Variants in RALYL observed in about 807,000 individuals in gnomAD.
The protein encoded by RALYL is RNA-binding Raly-like protein.
RALYL carries 29 observed loss-of-function variants against 35.1 expected under a neutral mutation model. The observed-to-expected ratio is 0.83, with a 90% CI of 0.61 to 1.13. The LOEUF is 1.13. Ranked by LOEUF, RALYL falls within the 50% of genes most tolerant of loss-of-function variation. The probability of loss-of-function intolerance (pLI) is 0.00; values close to 1 mark genes in which losing one functional copy is unlikely to be tolerated. For synonymous variants in RALYL, 120 were observed against 127.6 expected (o/e 0.94, Z 0.40); for missense variants, 359 against 360.4 (o/e 1.00, Z 0.03).
intron 2 of RALYL, among the ~76,000 whole-genome samples, chr8:84,763,471 T>C (rs1463479185): frequency 6.6e-6 from 1 of 152,210 alleles, no homozygotes; most frequent in African/African-American, 2.4e-5. Context: ...TTTTTCACCA[T>C]GTGATTTTTA....
chr8:84,734,476 A>T (rs749170598), intron 2 of RALYL, among the ~76,000 whole-genome samples: 10 of 152,112 alleles, frequency 6.6e-5, no homozygotes, highest in Non-Finnish European at 1.3e-4. Flanking sequence ...CATATAAAGG[A>T]GTTGTATTTT....
chr8:84,722,248 C>T (rs76653132), intron 2 of RALYL, among the ~76,000 whole-genome samples: 1,899 of 151,780 alleles, frequency 0.013, 43 homozygotes, highest in African/African-American at 0.043. Flanking sequence ...AAAATTTTTA[C>T]TGAATGTTCA....
intron 3 of RALYL, among the ~76,000 whole-genome samples, chr8:84,779,842 A>T (rs1817676779): frequency 6.6e-6 from 1 of 152,220 alleles, no homozygotes; most frequent in Non-Finnish European, 1.5e-5. Flanking sequence ...GCTCTAGCAC[A>T]TCATGGGAAA....
intron 2 of RALYL, among the ~76,000 whole-genome samples, chr8:84,639,060 C>A (rs1825775495): frequency 1.3e-5 from 2 of 149,210 alleles, no homozygotes; most frequent in Non-Finnish European, 3.0e-5. Context: ...GTCAAAAGGT[C>A]TTTTTAGGAT....
intron 2 of RALYL, among the ~76,000 whole-genome samples, chr8:84,715,352 GTTAT>G (rs930499189): frequency 6.6e-6 from 1 of 151,678 alleles, no homozygotes; most frequent in African/African-American, 2.4e-5. Flanking sequence ...ATTTCAAAAT[GTTAT>G]TTATGATTTT....
intron 2 of RALYL, among the ~76,000 whole-genome samples, chr8:84,583,333 T>C (rs529583275): frequency 7.2e-5 from 11 of 152,272 alleles, no homozygotes; most frequent in African/African-American, 2.6e-4. Context: ...GATCTGTGCC[T>C]ATGTATAATA....
At chr8:84,429,350 G>C (rs17723808) in intron 1 of RALYL, among the ~76,000 whole-genome samples, 6,225 of 152,250 alleles carry the variant, frequency 0.041, 157 homozygotes, top group Middle Eastern at 0.055. Context: ...TAGTGCTGTT[G>C]AGATTTGACA....
intron 1 of RALYL, among the ~76,000 whole-genome samples, chr8:84,255,435 C>T (rs1207687076): frequency 3.3e-5 from 5 of 152,018 alleles, no homozygotes; most frequent in African/African-American, 1.2e-4. Context: ...ACATCTCAAA[C>T]CCTTAGAATA....
At chr8:84,312,781 G>A (rs1843050998) in intron 1 of RALYL, among the ~76,000 whole-genome samples, 2 of 152,348 alleles carry the variant, frequency 1.3e-5, no homozygotes, top group Middle Eastern at 6.8e-3. Context: ...TTGAGTGTCT[G>A]TGGCTTTTCC....
chr8:84,338,139 G>T (rs1054288304), intron 1 of RALYL, among the ~76,000 whole-genome samples: 29 of 151,696 alleles, frequency 1.9e-4, no homozygotes, highest in African/African-American at 7.0e-4. Flanking sequence ...TTTAGAGAAT[G>T]AGATACCTTA....
At chr8:84,619,979 G>T (rs1247604559) in intron 2 of RALYL, among the ~76,000 whole-genome samples, 3 of 151,912 alleles carry the variant, frequency 2.0e-5, no homozygotes, top group African/African-American at 4.8e-5. Context: ...AGTCTGATGG[G>T]CTTCCCTTTG....
At chr8:84,581,093 G>A (rs890372251) in intron 2 of RALYL, among the ~76,000 whole-genome samples, 1 of 152,114 alleles carries the variant, frequency 6.6e-6, no homozygotes, top group Admixed American at 6.6e-5. Flanking sequence ...CCATGTTGGG[G>A]CTCAGGACTC....
intron 4 of RALYL, among the ~76,000 whole-genome samples, chr8:84,839,905 G>A (rs1832843543): frequency 1.3e-5 from 2 of 152,200 alleles, no homozygotes; most frequent in African/African-American, 4.8e-5. Flanking sequence ...GCAGCTGAGG[G>A]TCCTGACTGT....
intron 1 of RALYL, among the ~76,000 whole-genome samples, chr8:84,367,318 ATTTTTTTTTTTTTTT>A (rs56387511): frequency 0.057 from 1,560 of 27,398 alleles, 250 homozygotes; most frequent in South Asian, 0.11. Context: ...TAATTTTTGT[ATTTTTTTTTTTTTTT>A]TTTTTTTTTT....
At chr8:84,596,857 G>A (rs922305393) in intron 2 of RALYL, among the ~76,000 whole-genome samples, 25 of 151,808 alleles carry the variant, frequency 1.6e-4, no homozygotes, top group African/African-American at 5.8e-4. Context: ...TTCTATCCTG[G>A]GACTTGATTT....
chr8:84,388,983 A>G (rs1298894719), intron 1 of RALYL, among the ~76,000 whole-genome samples: 3 of 152,074 alleles, frequency 2.0e-5, no homozygotes, highest in East Asian at 1.9e-4. Flanking sequence ...TAGGTCTAAC[A>G]TGTAAGTCTT....
intron 2 of RALYL, among the ~76,000 whole-genome samples, chr8:84,610,830 C>T (rs1028132327): frequency 6.6e-6 from 1 of 152,166 alleles, no homozygotes; most frequent in African/African-American, 2.4e-5. Flanking sequence ...AGAGCTCCTT[C>T]AGTGGGTTCC....
chr8:84,441,561 G>C (rs1260850926), intron 1 of RALYL, among the ~76,000 whole-genome samples: 2 of 152,042 alleles, frequency 1.3e-5, no homozygotes, highest in Admixed American at 6.6e-5. Context: ...TTATTCTTTT[G>C]AGTTTGCTTT....
At chr8:84,469,865 G>T (rs2052440248) in intron 1 of RALYL, among the ~76,000 whole-genome samples, 1 of 152,208 alleles carries the variant, frequency 6.6e-6, no homozygotes, top group African/African-American at 2.4e-5. Flanking sequence ...AAGCCCGTCG[G>T]AAAAGCGCAG....
Sources: allele counts gnomAD v4.1 joint callset (sites outside exome capture counted in the v4.1 genomes callset), GRCh38; gene constraint gnomAD v4.1.1; transcripts MANE v1.5; gene names NCBI Gene and HGNC (gene_info 2026-07-23, HGNC 2026-07-21).